The following MEFV variants were observed in gnomAD, a reference collection of about 807,000 sequenced individuals.
The protein encoded by MEFV is MEFV innate immunity regulator, pyrin, also known as pyrin.
Under a neutral mutation model 62.5 loss-of-function variants are expected in MEFV, and 60 were observed. The ratio of observed to expected loss-of-function variants is 0.96; its 90% CI spans 0.78 to 1.19. The LOEUF (loss-of-function observed/expected upper bound fraction) is 1.19, where lower values mean the gene tolerates loss of function less well. Ranked by LOEUF, MEFV falls within the 50% of genes most tolerant of loss-of-function variation. MEFV has a pLI of 0.00. For synonymous variants in MEFV, 500 were observed against 415.2 expected (o/e 1.20, Z -2.48); for missense variants, 1,169 against 1,004.5 (o/e 1.16, Z -2.21).
At chr16:3,244,851 A>G (rs1335140410) in intron 6 of MEFV, among the ~76,000 whole-genome samples, 2 of 152,230 alleles carry the variant, frequency 1.3e-5, no homozygotes, top group East Asian at 3.8e-4. Flanking sequence ...CATTGATATT[A>G]TCTACTAGAA....
At position 3,249,505 on chromosome 16, in the gene MEFV, G is replaced by C; in HGVS notation, c.1186C>G (p.Leu396Val). Residue 396 changes from leucine to valine, a missense_variant, in exon 3 of 10, where the codon CTC becomes GTC. Transcript: ENST00000219596. ...FCEDHDEPIC[L>V]ICSLSQEHQG... is the part of the protein sequence containing the mutation. Reference sequence around the variant, plus strand: ...TGCTCCTGACTCAGACTGCAGATGAGGCAGATGGGCTCATCGTGATCCTCA... The same window carrying C: ...TGCTCCTGACTCAGACTGCAGATGACGCAGATGGGCTCATCGTGATCCTCA... 6.2e-7 allele frequency: 1 copy of C among 1,614,206 alleles called. No homozygotes were observed. The highest frequency in any genetic ancestry group is 8.5e-7 in the Non-Finnish European group (1 of 1,180,042).
chr16:3,250,469 T>C (rs889550665), intron 2 of MEFV, among the ~76,000 whole-genome samples: 21 of 151,792 alleles, frequency 1.4e-4, no homozygotes, highest in African/African-American at 4.6e-4. Flanking sequence ...ATTAGCCAGG[T>C]GTGGTGGTGC....
At chr16:3,251,023 CAAAAAAAAAAA>C (rs58529756) in intron 2 of MEFV, among the ~76,000 whole-genome samples, 2 of 49,408 alleles carry the variant, frequency 4.0e-5, no homozygotes, top group South Asian at 7.2e-4. Flanking sequence ...GACTCCATCT[CAAAAAAAAAAA>C]AAAAAAAAAA....
At position 3,243,419 on chromosome 16, in the gene MEFV, C is replaced by T. The variant is rs1281153557; in HGVS notation, c.2068G>A (p.Val690Met). ...MTLSPENGYW[V>M]VIMMKENEYQ... is the part of the protein sequence containing the mutation. ...TCATTTTCCTTCATCATTATCACCA[C>T]CCAGTAGCCATTCTCTGGCGACAGA... Residue 690 changes from valine (V) to methionine (M), a missense_variant, in exon 10 of 10, where the codon GTG (valine) becomes ATG (methionine). Val to Met is a conservative substitution (Grantham distance 21). Coordinates refer to ENST00000219596, the MANE Select transcript of MEFV (RefSeq NM_000243.3). The T allele has an allele frequency of 6.2e-7, 1 of 1,614,184 alleles. No homozygotes were observed. Among genetic ancestry groups the T allele is most frequent in the Admixed American group, 1.7e-5 (1 of 60,030 alleles).
intron 2 of MEFV, among the ~76,000 whole-genome samples, chr16:3,253,506 T>C (rs1176553662): frequency 6.6e-6 from 1 of 151,450 alleles, no homozygotes; most frequent in African/African-American, 2.4e-5. Flanking sequence ...TCTTTCTTTC[T>C]TTTTTTTTCC....
rs1959077891 is a variant in MEFV at position 3,254,187 on chromosome 16, C to A, written c.881G>T (p.Gly294Val). 1.2e-6 allele frequency: 2 copies of A among 1,614,232 alleles called. No individual in the cohort carries two copies. Among genetic ancestry groups the A allele is most frequent in the Non-Finnish European group, 1.7e-6 (2 of 1,180,036 alleles). ...GACCGAATGTTCTGGATTTCCAGGG[C>A]CTTCCTTCAGGTCCGCAGATGCCCC... The part of the protein sequence containing the change: ...DGGASADLKE[G>V]PGNPEHSVTG... The change falls in exon 2 of 10, where the codon GGC (glycine) becomes GTC (valine). Residue 294 changes from glycine (G) to valine (V), a missense_variant. Physicochemically the swap from Gly to Val is moderately radical, Grantham distance 109 (BLOSUM62 -3). Coordinates refer to ENST00000219596, the MANE Select transcript of MEFV (RefSeq NM_000243.3).
chr16:3,254,146 AAC>A lies in MEFV; in HGVS notation c.910+10_910+11del. 6.2e-7 allele frequency: 1 copy of A among 1,613,746 alleles called. No individual in the cohort carries two copies. The highest frequency in any genetic ancestry group is 1.7e-4 in the Middle Eastern group (1 of 6,060). ...CTGCAGCCGATATAAAGTAGGAAAG[AAC>A]ACAATTTACCGGTGACCGAATGTTC... is the stretch of plus-strand genomic sequence containing the variant. On this transcript the variant is annotated intron_variant, in intron 2 of 9. Coordinates refer to ENST00000219596, the MANE Select transcript of MEFV (RefSeq NM_000243.3).
intron 6 of MEFV, 85 bp from the exon 7 acceptor site, chr16:3,244,673 C>T: frequency 1.0e-6 from 1 of 1,000,242 alleles, no homozygotes; most frequent in Non-Finnish European, 1.6e-6. Context: ...ACTACATTCT[C>T]CACAGGGCAC....
chr16:3,250,734 A>G (rs1021095782), intron 2 of MEFV, among the ~76,000 whole-genome samples: 1 of 151,554 alleles, frequency 6.6e-6, no homozygotes, highest in Non-Finnish European at 1.5e-5. Flanking sequence ...AAGAAGAAAT[A>G]GAAACACAAG....
intron 4 of MEFV, among the ~76,000 whole-genome samples, chr16:3,248,121 C>T (rs1462300412): frequency 9.3e-5 from 14 of 150,446 alleles, no homozygotes; most frequent in Admixed American, 8.0e-4. Context: ...TAGCCAGGCG[C>T]GGTGGCAGGC....
At chr16:3,243,984 G>C in intron 8 of MEFV, 92 bp from the exon 9 acceptor site, 1 of 1,579,224 alleles carries the variant, frequency 6.3e-7, no homozygotes, top group Non-Finnish European at 8.6e-7. Flanking sequence ...GAAAGACAAG[G>C]AACCCCCTGC....
intron 5 of MEFV, 113 bp from the exon 6 acceptor site, chr16:3,246,660 G>T (rs751241480): frequency 8.7e-7 from 1 of 1,155,944 alleles, no homozygotes; most frequent in Non-Finnish European, 1.3e-6. Context: ...ACTTACCAGG[G>T]CTCCCTGCCC....
chr16:3,254,409 GC>G lies in MEFV; in HGVS notation c.658del (p.Ala220ProfsTer42). 1 of 1,612,686 alleles carries G rather than the reference GC, an allele frequency of 6.2e-7. No homozygotes were observed. Among genetic ancestry groups the G allele is most frequent in the Non-Finnish European group, 8.5e-7 (1 of 1,179,760 alleles). On this transcript the variant is annotated frameshift_variant, in exon 2 of 10. Transcript: ENST00000219596. LOFTEE classifies it high-confidence loss of function. ...AGRLQGLAGG[A>X]PGQKECRPFE... ...GGGCCTGCACTCCTTCTGCCCCGGG[GC>G]GCCCCCCGCCAGCCCCTGCAGCCTC...
At chr16:3,248,271 A>G (rs1390587106) in intron 4 of MEFV, among the ~76,000 whole-genome samples, 1 of 150,492 alleles carries the variant, frequency 6.6e-6, no homozygotes, top group Non-Finnish European at 1.5e-5. Context: ...AAACAAAACA[A>G]AAAAACAGAG....
intron 2 of MEFV, among the ~76,000 whole-genome samples, chr16:3,252,478 T>A (rs1201287664): frequency 1.3e-5 from 2 of 152,014 alleles, no homozygotes; most frequent in Non-Finnish European, 2.9e-5. Flanking sequence ...TTTCACCATG[T>A]TGGCAGGCTG....
At position 3,243,448 on chromosome 16, in the gene MEFV, A is replaced by G; in HGVS notation, c.2039T>C (p.Met680Thr). The change falls in exon 10 of 10, where the codon ATG becomes ACG. Residue 680 changes from methionine to threonine, a missense_variant. Transcript: ENST00000219596. The part of the protein sequence containing the change: ...CKTSISRKGN[M>T]TLSPENGYWV... ...GTAGCCATTCTCTGGCGACAGAGTCATGTTCCCTTTCCTGCTTATGGATGT... is the reference window on the plus strand; with the variant it reads ...GTAGCCATTCTCTGGCGACAGAGTCGTGTTCCCTTTCCTGCTTATGGATGT... 6.2e-7 allele frequency: 1 copy of G among 1,614,140 alleles called. No homozygotes were observed. Among genetic ancestry groups the G allele is most frequent in the Non-Finnish European group, 8.5e-7 (1 of 1,180,034 alleles).
Position 3,254,323 on chromosome 16 carries a change from T to C in MEFV, c.745A>G (p.Thr249Ala), listed in dbSNP as rs764952529. 1.1e-5 allele frequency: 18 copies of C among 1,614,098 alleles called. No homozygotes were observed. In the East Asian group the frequency reaches 2.9e-4, roughly 26 times the overall value. Reference sequence around the variant, plus strand: ...GGATTTGCGGGCGCCTTCTCCCCTGTAGAAATGGTGACCTCAAGGCTTCTA... The same window carrying C: ...GGATTTGCGGGCGCCTTCTCCCCTGCAGAAATGGTGACCTCAAGGCTTCTA... ...RPRSLEVTIS[T>A]GEKAPANPEI... Residue 249 changes from threonine to alanine, a missense_variant, in exon 2 of 10, where the codon ACA (threonine) becomes GCA (alanine). By Grantham distance (58) the Thr-to-Ala change is moderately conservative. Coordinates refer to ENST00000219596, the MANE Select transcript of MEFV (RefSeq NM_000243.3).
intron 2 of MEFV, among the ~76,000 whole-genome samples, chr16:3,253,421 C>T (rs549950969): frequency 2.0e-5 from 3 of 152,234 alleles, no homozygotes; most frequent in Admixed American, 1.3e-4. Context: ...GGCAAGCAGA[C>T]GCCTGCAGAG....
In MEFV at chr16:3,256,496, G is replaced by A. The variant is rs1241661680; in HGVS notation, c.92C>T (p.Thr31Ile). ...FEKFKFKLQN[T>I]SVQKEHSRIP... ...CCTGGAGTGCTCCTTCTGCACACTGGTGTTCTGCAGCTTGAACTTGAACTT... is the reference window on the plus strand; with the variant it reads ...CCTGGAGTGCTCCTTCTGCACACTGATGTTCTGCAGCTTGAACTTGAACTT... The change falls in exon 1 of 10, where the codon ACC becomes ATC. Residue 31 changes from threonine to isoleucine, a missense_variant. Transcript: ENST00000219596. 1.9e-6 allele frequency: 3 copies of A among 1,614,198 alleles called. No homozygotes were observed. In the South Asian group the frequency reaches 3.3e-5, roughly 18 times the overall value.
Sources: gnomAD v4.1 joint callset for allele counts (sites outside exome capture counted in the v4.1 genomes callset) on GRCh38, gnomAD v4.1.1 for gene constraint, MANE v1.5 for transcripts, NCBI Gene and HGNC (gene_info 2026-07-23, HGNC 2026-07-21) for gene names.